The following TMEM132B variants were observed in gnomAD, a reference collection of about 807,000 sequenced individuals.
The protein encoded by TMEM132B is transmembrane protein 132B.
Under a neutral mutation model 90.8 loss-of-function variants are expected in TMEM132B, and 18 were observed. That is an observed-to-expected ratio of 0.20 (90% confidence interval 0.14 to 0.29). The LOEUF (loss-of-function observed/expected upper bound fraction) is 0.29, where lower values mean the gene tolerates loss of function less well. TMEM132B is among the 10% of genes least tolerant of loss of function. TMEM132B has a pLI of 1.00. For missense variants in TMEM132B, 1,096 were observed against 1,326.8 expected (o/e 0.83, Z 2.70); for synonymous variants, 504 against 523.3 (o/e 0.96, Z 0.50).
chr12:125,217,974 A>G (rs559185403), intron 1 of TMEM132B, among the ~76,000 whole-genome samples: 1 of 152,336 alleles, frequency 6.6e-6, no homozygotes, highest in East Asian at 1.9e-4. Flanking sequence ...ATGCAGGGAA[A>G]TATTTTGCAG....
At chr12:125,253,978 A>T (rs1282331425) in intron 1 of TMEM132B, among the ~76,000 whole-genome samples, 1 of 152,102 alleles carries the variant, frequency 6.6e-6, no homozygotes, top group East Asian at 1.9e-4. Context: ...AAATGGGCGA[A>T]GGAGGGAAGG....
In TMEM132B at chr12:125,651,750, C is replaced by T. The variant is rs144193889; in HGVS notation, c.1915-691C>T. On this transcript the variant is annotated intron_variant, in intron 7 of 8. Coordinates refer to ENST00000682704, the MANE Select transcript of TMEM132B (RefSeq NM_001366854.1). ...AACTCCAGGTCTCGGCTGGCCTGGG[C>T]TCTTATCTGGGAGTTTGGGGAAAGG... Among the ~76,000 whole-genome samples, 12 of 152,278 alleles carry T rather than the reference C, an allele frequency of 7.9e-5. No homozygotes were observed. In the East Asian group the frequency reaches 2.3e-3, roughly 29 times the overall value.
chr12:125,396,910 G>A (rs1283610010), intron 2 of TMEM132B, among the ~76,000 whole-genome samples: 1 of 152,090 alleles, frequency 6.6e-6, no homozygotes, highest in Admixed American at 6.5e-5. Context: ...TTGAATTCAA[G>A]GCAGACATAC....
rs935761879 is a variant in TMEM132B, at chr12:125,277,542, C to T, written c.68-71910C>T. 6.0e-5 allele frequency among the ~76,000 whole-genome samples: 9 copies of T among 149,764 alleles called. No individual in the cohort carries two copies. Among genetic ancestry groups the T allele is most frequent in the South Asian group, 4.2e-4 (2 of 4,778 alleles). On this transcript the variant is annotated intron_variant, in intron 1 of 8. Transcript: ENST00000682704. This position sits in a 1 kb window ranked among gnomAD's most constrained non-coding sequence, Gnocchi z 4.3. ...ACACACACACACATACACACACACACGGGAAGGCCATGTGAAGATGCAGCA... is the reference window on the plus strand; with the variant it reads ...ACACACACACACATACACACACACATGGGAAGGCCATGTGAAGATGCAGCA...
intron 4 of TMEM132B, among the ~76,000 whole-genome samples, chr12:125,520,157 TTGGATTTC>T (rs1883272219): frequency 6.6e-6 from 1 of 152,150 alleles, no homozygotes; most frequent in Admixed American, 6.5e-5. Flanking sequence ...CTGGAGGTGA[TTGGATTTC>T]TTCTCCTGGG....
chr12:125,286,257 G>A (rs895273409), intron 1 of TMEM132B, among the ~76,000 whole-genome samples: 5 of 152,224 alleles, frequency 3.3e-5, no homozygotes, highest in Non-Finnish European at 7.3e-5. Context: ...TTCTGCCTCC[G>A]GAACTCATGC....
intron 3 of TMEM132B, among the ~76,000 whole-genome samples, chr12:125,479,119 C>T (rs1881971610): frequency 6.6e-6 from 1 of 152,196 alleles, no homozygotes; most frequent in African/African-American, 2.4e-5. Flanking sequence ...AAGCACTAAA[C>T]ATGGAAAGGA....
At chr12:125,190,199 C>T (rs1034978911) in intron 1 of TMEM132B, among the ~76,000 whole-genome samples, 1 of 152,210 alleles carries the variant, frequency 6.6e-6, no homozygotes, top group African/African-American at 2.4e-5. Context: ...TCACCTATGA[C>T]TTTCTAACCC....
intron 6 of TMEM132B, among the ~76,000 whole-genome samples, chr12:125,645,145 G>A (rs1424077556): frequency 2.0e-5 from 3 of 151,190 alleles, no homozygotes; most frequent in Non-Finnish European, 4.4e-5. Context: ...CTGAACCCGG[G>A]AGGCGGAGCT....
chr12:125,282,027 C>CAAAAAAAAAAAAAAAAA (rs869083244), intron 1 of TMEM132B, among the ~76,000 whole-genome samples: 1 of 16,080 alleles, frequency 6.2e-5, no homozygotes, highest in Non-Finnish European at 1.1e-4. Flanking sequence ...GACTCCGTCT[C>CAAAAAAAAAAAAAAAAA]AAAAAAAAAA....
At chr12:125,381,192 T>G (rs1878669635) in intron 2 of TMEM132B, among the ~76,000 whole-genome samples, 1 of 152,306 alleles carries the variant, frequency 6.6e-6, no homozygotes, top group East Asian at 1.9e-4. Flanking sequence ...TCCACACACC[T>G]TTCAACCTGC....
chr12:125,288,324 G>T (rs890338180), intron 1 of TMEM132B, among the ~76,000 whole-genome samples: 2 of 151,810 alleles, frequency 1.3e-5, no homozygotes, highest in Non-Finnish European at 2.9e-5. Flanking sequence ...TTAGCCGGGT[G>T]TGGTGGTGCA....
chr12:125,391,573 C>T (rs774938732), intron 2 of TMEM132B, among the ~76,000 whole-genome samples: 2 of 152,146 alleles, frequency 1.3e-5, no homozygotes, highest in Non-Finnish European at 2.9e-5. Flanking sequence ...TGCAGACCTG[C>T]AGGGGCCATG....
intron 5 of TMEM132B, among the ~76,000 whole-genome samples, chr12:125,607,363 C>A (rs2136934851): frequency 6.6e-6 from 1 of 152,272 alleles, no homozygotes; most frequent in African/African-American, 2.4e-5. Flanking sequence ...CATTTATGGA[C>A]AGAAAATGGA....
chr12:125,278,372 C>T (rs958604801), intron 1 of TMEM132B, among the ~76,000 whole-genome samples: 5 of 151,840 alleles, frequency 3.3e-5, no homozygotes, highest in Non-Finnish European at 5.9e-5. Flanking sequence ...TATGTGAATT[C>T]TCCTTGTTTT....
Position 125,589,204 on chromosome 12 carries a change from C to T in TMEM132B, c.1437+5210C>T, listed in dbSNP as rs529542100. ...ATTGCTATAAAGAAATACCTGAGGC[C>T]GGGCACGGTGGCTCACGCCTGTAAT... On this transcript the variant is annotated intron_variant, in intron 5 of 8. Coordinates refer to ENST00000682704, the MANE Select transcript of TMEM132B (RefSeq NM_001366854.1). 2.8e-3 allele frequency among the ~76,000 whole-genome samples: 428 copies of T among 152,148 alleles called. 4 individuals are homozygous for T. Among genetic ancestry groups the T allele is most frequent in the Non-Finnish European group, 4.1e-3 (280 of 67,980 alleles).
rs1019119129 is a variant in TMEM132B at position 125,406,608 on chromosome 12, T to C, written c.960-8923T>C. ...ACGTCGGAGGACTGGGTGGATGATA[T>C]GGGGTATAAAAATATTTCACAGTCT... On this transcript the variant is annotated intron_variant, in intron 2 of 8. Transcript: ENST00000682704. The surrounding 1 kb of genome is among the most constrained non-coding windows in gnomAD (Gnocchi z 8.3). Among the ~76,000 whole-genome samples the C allele has an allele frequency of 6.6e-6, 1 of 152,138 alleles. No homozygotes were observed. The highest frequency in any genetic ancestry group is 2.4e-5 in the African/African-American group (1 of 41,440).
intron 1 of TMEM132B, among the ~76,000 whole-genome samples, chr12:125,216,515 C>G (rs1873441690): frequency 6.6e-6 from 1 of 152,210 alleles, no homozygotes. Flanking sequence ...TATTCTCCAG[C>G]CCTCAGCCTT....
chr12:125,395,918 C>T (rs1393417880), intron 2 of TMEM132B, among the ~76,000 whole-genome samples: 1 of 152,190 alleles, frequency 6.6e-6, no homozygotes, highest in Non-Finnish European at 1.5e-5. Flanking sequence ...TCAACAATCC[C>T]TGACAAATCC....
Sources: gnomAD v4.1 joint callset for allele counts (sites outside exome capture counted in the v4.1 genomes callset) on GRCh38, gnomAD v4.1.1 for gene constraint, Gnocchi (gnomAD v3.1) non-coding constraint, MANE v1.5 for transcripts, NCBI Gene and HGNC (gene_info 2026-07-23, HGNC 2026-07-21) for gene names.